The following PATL1 variants were observed in gnomAD, a reference collection of about 807,000 sequenced individuals.
PATL1 encodes PAT1 homolog 1, processing body mRNA decay factor.
In PATL1, 32 loss-of-function variants were observed where a neutral mutation model predicts 100.6. The ratio of observed to expected loss-of-function variants is 0.32; its 90% CI spans 0.24 to 0.43. The LOEUF (loss-of-function observed/expected upper bound fraction) is 0.43. Ranked by LOEUF, PATL1 falls within the 20% of genes least tolerant of loss-of-function variation. PATL1 has a pLI of 1.00. For synonymous variants in PATL1, 332 were observed against 330.0 expected (o/e 1.01, Z -0.07); for missense variants, 747 against 949.9 (o/e 0.79, Z 2.81).
chr11:59,659,081 CATT>C (rs1186924060), intron 3 of PATL1, 135 bp from the exon 4 acceptor site: 1 of 996,096 alleles, frequency 1.0e-6, no homozygotes, highest in Non-Finnish European at 1.5e-6. Context: ...CCAGAATATA[CATT>C]ATTCCCCAAG....
chr11:59,657,190 A>C, intron 5 of PATL1: 1 of 926,452 alleles, frequency 1.1e-6, no homozygotes, highest in Non-Finnish European at 1.3e-6. Context: ...GTAAAAAGGG[A>C]TGTGGACAAT....
chr11:59,649,841 T>C (rs1159378841), intron 13 of PATL1, among the ~76,000 whole-genome samples: 1 of 151,966 alleles, frequency 6.6e-6, no homozygotes, highest in African/African-American at 2.4e-5. Context: ...AGTAAAATAG[T>C]CTAGACGCGG....
intron 2 of PATL1, among the ~76,000 whole-genome samples, chr11:59,661,009 C>G (rs1410680231): frequency 6.6e-6 from 1 of 152,206 alleles, no homozygotes; most frequent in Non-Finnish European, 1.5e-5. Flanking sequence ...TCCAACGCAT[C>G]TCACTCCAGT....
intron 4 of PATL1, 87 bp downstream of exon 4, chr11:59,658,778 TA>T: frequency 1.0e-6 from 1 of 978,084 alleles, no homozygotes; most frequent in South Asian, 1.5e-5. Flanking sequence ...GAAAGACCTA[TA>T]AACCCCTTCA....
intron 2 of PATL1, among the ~76,000 whole-genome samples, chr11:59,662,597 G>A (rs1861640910): frequency 6.6e-6 from 1 of 152,148 alleles, no homozygotes; most frequent in South Asian, 2.1e-4. Context: ...GTCATCCTTG[G>A]TAAGGAACAG....
chr11:59,658,163 CAAAA>C (rs746089908), intron 4 of PATL1, among the ~76,000 whole-genome samples: 1 of 107,978 alleles, frequency 9.3e-6, no homozygotes, highest in Non-Finnish European at 1.9e-5. Context: ...GACCTGGTCT[CAAAA>C]AAAAAAAAAA....
chr11:59,645,609 A>C (rs1861353800), intron 15 of PATL1, among the ~76,000 whole-genome samples: 1 of 152,078 alleles, frequency 6.6e-6, no homozygotes, highest in Non-Finnish European at 1.5e-5. Context: ...TCCTTTATTT[A>C]CCAATTTTCT....
chr11:59,653,880 G>A (rs1483443876), intron 9 of PATL1, 103 bp downstream of exon 9: 1 of 992,666 alleles, frequency 1.0e-6, no homozygotes, highest in Admixed American at 2.2e-5. Context: ...TGGATATGAA[G>A]TAAACTTACT....
At chr11:59,642,804 C>A in intron 16 of PATL1, 76 bp downstream of exon 16, 1 of 1,445,324 alleles carries the variant, frequency 6.9e-7, no homozygotes, top group South Asian at 1.4e-5. Flanking sequence ...GCTAGAGATA[C>A]AGCAGCCATT....
chr11:59,667,073 T>C (rs1050750916), intron 1 of PATL1, 109 bp from the exon 2 acceptor site: 63 of 1,429,334 alleles, frequency 4.4e-5, no homozygotes, highest in Admixed American at 1.5e-4. Context: ...TGCTTCATTA[T>C]GACTTTTTGT....
Position 59,652,890 on chromosome 11 carries a change from T to C in PATL1, c.1250A>G (p.Gln417Arg). Reference protein sequence around the residue: ...QREKDWVSKIQMMQLQSTDPY... With the variant: ...QREKDWVSKIRMMQLQSTDPY... Reference sequence around the variant, plus strand: ...ATCAGTGCTTTGCAGTTGCATCATCTGGATTTTAGAGACCCAATCCTTTTC... The same window carrying C: ...ATCAGTGCTTTGCAGTTGCATCATCCGGATTTTAGAGACCCAATCCTTTTC... Residue 417 changes from glutamine to arginine, a missense_variant, in exon 10 of 19, where the codon CAG becomes CGG. Physicochemically the swap from Gln to Arg is conservative, Grantham distance 43 (BLOSUM62 1). Transcript: ENST00000300146. 1 of 1,614,012 alleles carries C rather than the reference T, an allele frequency of 6.2e-7. No homozygotes were observed. Among genetic ancestry groups the C allele is most frequent in the Non-Finnish European group, 8.5e-7 (1 of 1,179,884 alleles).
chr11:59,659,222 A>G (rs75448525), intron 3 of PATL1, 30 bp downstream of exon 3: 47,985 of 1,537,784 alleles, frequency 0.031, 2,531 homozygotes, highest in African/African-American at 0.19. Context: ...TTAGTCTGCT[A>G]TAGTTCTCAA....
chr11:59,652,710 T>C, intron 10 of PATL1, 123 bp from the exon 11 acceptor site: 2 of 1,502,702 alleles, frequency 1.3e-6, no homozygotes, highest in Non-Finnish European at 1.8e-6. Context: ...TGATAGTGAA[T>C]AGTGCAAGAT....
Position 59,659,366 on chromosome 11 carries a change from G to A in PATL1, c.231C>T (p.Asp77=), listed in dbSNP as rs947102614. 6 of 1,551,310 alleles carry A rather than the reference G, an allele frequency of 3.9e-6. No homozygotes were observed. Among genetic ancestry groups the A allele is most frequent in the Non-Finnish European group, 5.2e-6 (6 of 1,146,822 alleles). The change falls in exon 3 of 19, where the codon GAC becomes GAT. Residue 77 remains aspartate, a synonymous_variant. Coordinates refer to ENST00000300146, the MANE Select transcript of PATL1 (RefSeq NM_152716.3). The stretch of plus-strand genomic sequence containing the variant: ...GATTCTCCTCATGGTCACCCAACAA[G>A]TCCATTTCATCTCTCTCTCCATTGC... ...QTGNGERDEM[D]LLGDHEENLA...
intron 2 of PATL1, among the ~76,000 whole-genome samples, chr11:59,666,082 T>C (rs1239815128): frequency 2.0e-5 from 3 of 151,994 alleles, no homozygotes; most frequent in Non-Finnish European, 4.4e-5. Flanking sequence ...GGTCAGGAGT[T>C]TGAGACCAGC....
intron 16 of PATL1, 164 bp from the exon 17 acceptor site, chr11:59,639,547 A>C (rs1861244553): frequency 1.7e-6 from 1 of 602,038 alleles, no homozygotes; most frequent in Non-Finnish European, 2.9e-6. Context: ...GCATGAGTTG[A>C]AAGGCTATGT....
chr11:59,651,409 G>T (rs1331451106), intron 12 of PATL1, 135 bp downstream of exon 12: 1 of 648,260 alleles, frequency 1.5e-6, no homozygotes, highest in Non-Finnish European at 2.7e-6. Context: ...TGGAAAACTA[G>T]AATGCATGAC....
At chr11:59,647,667 GA>G in intron 15 of PATL1, 86 bp downstream of exon 15, 1 of 1,362,952 alleles carries the variant, frequency 7.3e-7, no homozygotes, top group Non-Finnish European at 1.0e-6. Flanking sequence ...ATACAAAAGG[GA>G]AGAGGAGAGG....
At chr11:59,661,029 T>C (rs1861618026) in intron 2 of PATL1, among the ~76,000 whole-genome samples, 1 of 152,126 alleles carries the variant, frequency 6.6e-6, no homozygotes, top group Admixed American at 6.6e-5. Context: ...TTCTCTCCAA[T>C]CTTATTCCAT....
Sources: allele counts gnomAD v4.1 joint callset (sites outside exome capture counted in the v4.1 genomes callset), GRCh38; gene constraint gnomAD v4.1.1; transcripts MANE v1.5; gene names NCBI Gene and HGNC (gene_info 2026-07-23, HGNC 2026-07-21).